The following DHRSX variants were observed in gnomAD, a reference collection of about 807,000 sequenced individuals.
The protein encoded by DHRSX is polyprenol dehydrogenase.
Under a neutral mutation model 34.0 loss-of-function variants are expected in DHRSX, and 31 were observed. That is an observed-to-expected ratio of 0.91 (90% CI 0.69 to 1.23). DHRSX has a LOEUF of 1.23. Ranked by LOEUF, DHRSX falls within the 50% of genes most tolerant of loss-of-function variation. DHRSX has a pLI of 0.00. For missense variants in DHRSX, 414 were observed against 428.1 expected (o/e 0.97, Z 0.29); for synonymous variants, 201 against 183.8 (o/e 1.09, Z -0.76).
intron 2 of DHRSX, among the ~76,000 whole-genome samples, chrX:2,424,306 T>C (rs1014397306): frequency 2.0e-5 from 3 of 151,368 alleles, no homozygotes; most frequent in African/African-American, 7.3e-5. Context: ...CTATGGTAAT[T>C]CTGTTATAGC....
intron 1 of DHRSX, among the ~76,000 whole-genome samples, chrX:2,430,123 G>T (rs988530419): frequency 2.6e-5 from 4 of 151,984 alleles, no homozygotes; most frequent in East Asian, 1.9e-4. Context: ...GCCATGGAAA[G>T]ATGCCCTCGG....
chrX:2,245,502 G>T (rs1285186562), intron 5 of DHRSX, among the ~76,000 whole-genome samples: 1 of 151,052 alleles, frequency 6.6e-6, no homozygotes, highest in African/African-American at 2.4e-5. Context: ...TAGACATGGG[G>T]TTTCACCATG....
intron 6 of DHRSX, among the ~76,000 whole-genome samples, chrX:2,236,227 C>A (rs1283311128): frequency 2.0e-5 from 3 of 152,102 alleles, no homozygotes; most frequent in Non-Finnish European, 2.9e-5. Flanking sequence ...CCCATAAAGA[C>A]AAACAAAGCT....
chrX:2,392,232 T>C (rs939176977), intron 3 of DHRSX: 1 of 154,608 alleles, frequency 6.5e-6, no homozygotes, highest in Admixed American at 6.5e-5. Flanking sequence ...TTCACTTCAA[T>C]GGGATTTAAA....
At chrX:2,472,643 C>T (rs1321273680) in intron 1 of DHRSX, among the ~76,000 whole-genome samples, 1 of 151,964 alleles carries the variant, frequency 6.6e-6, no homozygotes, top group African/African-American at 2.4e-5. Context: ...GTGGCGCATG[C>T]CTATAATCTC....
intron 3 of DHRSX, among the ~76,000 whole-genome samples, chrX:2,298,392 G>GT (rs1170594038): frequency 1.4e-5 from 1 of 70,306 alleles, no homozygotes; most frequent in African/African-American, 5.4e-5. Flanking sequence ...CTGGTCTTTT[G>GT]TTAAAAAAAA....
chrX:2,303,900 AATGGATGG>A (rs1244047425), intron 3 of DHRSX, among the ~76,000 whole-genome samples: 9 of 60,844 alleles, frequency 1.5e-4, no homozygotes, highest in East Asian at 7.0e-4. Flanking sequence ...TGGATGGATA[AATGGATGG>A]ATGGATGGAT....
intron 3 of DHRSX, among the ~76,000 whole-genome samples, chrX:2,379,595 GT>G (rs749144665): frequency 2.5e-3 from 257 of 103,932 alleles, no homozygotes; most frequent in East Asian, 0.013. Flanking sequence ...GGCAGTGGAG[GT>G]TTTTTTTTTT....
intron 3 of DHRSX, among the ~76,000 whole-genome samples, chrX:2,293,505 G>A (rs1165019056): frequency 6.6e-6 from 1 of 152,158 alleles, no homozygotes; most frequent in African/African-American, 2.4e-5. Flanking sequence ...TTTCTGGAGA[G>A]AGGTGGAAGG....
intron 3 of DHRSX, among the ~76,000 whole-genome samples, chrX:2,322,749 C>T (rs1013199559): frequency 6.6e-6 from 1 of 151,072 alleles, no homozygotes; most frequent in African/African-American, 2.4e-5. Context: ...ATACATAAAA[C>T]ATACAAAATA....
intron 6 of DHRSX, among the ~76,000 whole-genome samples, chrX:2,230,838 G>A (rs377155020): frequency 8.5e-5 from 13 of 152,230 alleles, no homozygotes; most frequent in East Asian, 1.9e-4. Flanking sequence ...GGACTTGCCC[G>A]CCCCTACAAT....
At chrX:2,294,251 A>G (rs2041903193) in intron 3 of DHRSX, among the ~76,000 whole-genome samples, 1 of 152,076 alleles carries the variant, frequency 6.6e-6, no homozygotes, top group Admixed American at 6.6e-5. Context: ...ACAGAGAGAT[A>G]CAAAGAAAGA....
rs1203046273 is a variant in DHRSX, at chrX:2,393,967, G to T, written c.286+14778C>A. Among the ~76,000 whole-genome samples the T allele has an allele frequency of 2.6e-5, 4 of 152,344 alleles. No homozygotes were observed. In the South Asian group the frequency reaches 6.2e-4, roughly 24 times the overall value. On this transcript the variant is annotated intron_variant, in intron 3 of 6. Transcript: ENST00000334651. ...ACACACAACACACAGGGACCATTCG[G>T]GGTTCAGGGACGCGTGTCCATGGTA...
rs775360767 is a variant in DHRSX, at chrX:2,269,828, C to G, written c.389-2881G>C. On this transcript the variant is annotated intron_variant, in intron 4 of 6. Coordinates refer to ENST00000334651, the MANE Select transcript of DHRSX (RefSeq NM_145177.3). ...GTGCTGGGATTACAGGCGTGAGACA[C>G]TGCACCCGGCCGTGTGTGTATTTTA... Among the ~76,000 whole-genome samples, 25 of 152,246 alleles carry G rather than the reference C, an allele frequency of 1.6e-4. 1 individual carries two copies. In the South Asian group the frequency reaches 4.8e-3, roughly 29 times the overall value.
At chrX:2,273,909 G>A (rs1224163094) in intron 4 of DHRSX, among the ~76,000 whole-genome samples, 1 of 152,232 alleles carries the variant, frequency 6.6e-6, no homozygotes, top group African/African-American at 2.4e-5. Flanking sequence ...CTAGGGACTC[G>A]CCTGGCGGGG....
chrX:2,360,699 G>C (rs938529011), intron 3 of DHRSX, among the ~76,000 whole-genome samples: 1 of 151,958 alleles, frequency 6.6e-6, no homozygotes, highest in African/African-American at 2.4e-5. Context: ...TTATCGCCAA[G>C]TTTGGTAAGA....
At chrX:2,375,874 A>G (rs1040375343) in intron 3 of DHRSX, among the ~76,000 whole-genome samples, 6 of 136,006 alleles carry the variant, frequency 4.4e-5, no homozygotes, top group African/African-American at 1.5e-4. Context: ...CTCGTGATCC[A>G]CCTGCCTCGG....
chrX:2,389,106 AC>A (rs2043305565), intron 3 of DHRSX, among the ~76,000 whole-genome samples: 1 of 152,178 alleles, frequency 6.6e-6, no homozygotes, highest in Non-Finnish European at 1.5e-5. Flanking sequence ...GAATACACGG[AC>A]CAGAGCATTA....
At chrX:2,411,271 C>T (rs1316734057) in intron 2 of DHRSX, among the ~76,000 whole-genome samples, 2 of 152,078 alleles carry the variant, frequency 1.3e-5, no homozygotes, top group South Asian at 2.1e-4. Flanking sequence ...CGGCCGGGTG[C>T]GGTGGCTCAT....
Sources: allele counts gnomAD v4.1 joint callset (sites outside exome capture counted in the v4.1 genomes callset), GRCh38; gene constraint gnomAD v4.1.1; transcripts MANE v1.5; gene names NCBI Gene and HGNC (gene_info 2026-07-23, HGNC 2026-07-21).